Variants in ANO1 observed in about 807,000 individuals in gnomAD.
ANO1 encodes the protein anoctamin 1.
In ANO1, 59 loss-of-function variants were observed where a neutral mutation model predicts 124.0. The observed-to-expected ratio is 0.48, with a 90% CI of 0.39 to 0.59. The LOEUF (loss-of-function observed/expected upper bound fraction) is 0.59, where lower values mean the gene tolerates loss of function less well. Among genes scored for constraint, ANO1 ranks in the 20% least tolerant of loss-of-function variants. The probability of loss-of-function intolerance (pLI) is 0.00; values close to 1 mark genes in which losing one functional copy is unlikely to be tolerated. For missense variants in ANO1, 1,059 were observed against 1,328.0 expected, an observed-to-expected ratio of 0.80 and a Z score of 3.15; for synonymous variants, 529 against 532.0, an observed-to-expected ratio of 0.99 and a Z score of 0.08.
In ANO1 at chr11:70,161,180, T is replaced by C; in HGVS notation, c.1598T>C (p.Ile533Thr). ...CTGCAGATTGCAGTGACGTTTGCCATCGTCCTCGGCGTCATCATCTACAGA... is the reference window on the plus strand; with the variant it reads ...CTGCAGATTGCAGTGACGTTTGCCACCGTCCTCGGCGTCATCATCTACAGA... ...IIFMIAVTFA[I>T]VLGVIIYRIS... is the part of the protein sequence containing the mutation. Residue 533 changes from isoleucine to threonine, a missense_variant, in exon 17 of 26, where the codon ATC becomes ACC. Physicochemically the swap from Ile to Thr is moderately conservative, Grantham distance 89. Around this residue, in one of 2 missense-constraint regions of ANO1, gnomAD observed 809 missense variants for 1,094.9 expected, o/e 0.74. Coordinates refer to ENST00000355303, the MANE Select transcript of ANO1 (RefSeq NM_018043.7). 1 of 1,613,820 alleles carries C rather than the reference T, an allele frequency of 6.2e-7. No homozygotes were observed.
intron 1 of ANO1, among the ~76,000 whole-genome samples, chr11:70,044,966 A>G (rs1555005409): frequency 6.6e-6 from 1 of 152,252 alleles, no homozygotes; most frequent in African/African-American, 2.4e-5. Flanking sequence ...GTCTTCAAAC[A>G]TAAAGAAATA....
At chr11:70,123,389 C>T (rs1009132690) in intron 8 of ANO1, among the ~76,000 whole-genome samples, 3 of 152,198 alleles carry the variant, frequency 2.0e-5, no homozygotes, top group Non-Finnish European at 4.4e-5. Flanking sequence ...GTGCACAGCC[C>T]GTGTTACCCC....
intron 1 of ANO1, among the ~76,000 whole-genome samples, chr11:70,055,225 T>G (rs1857416530): frequency 6.6e-6 from 1 of 152,170 alleles, no homozygotes; most frequent in Non-Finnish European, 1.5e-5. Flanking sequence ...CAGTAATTTT[T>G]GTTGATTTTG....
chr11:70,041,017 AG>A, intron 1 of ANO1, among the ~76,000 whole-genome samples: 1 of 152,328 alleles, frequency 6.6e-6, no homozygotes, highest in East Asian at 1.9e-4. Context: ...GACAGGGTTC[AG>A]GCACTGATTA....
At chr11:70,007,821 C>T (rs781953502) in intron 1 of ANO1, among the ~76,000 whole-genome samples, 1 of 152,208 alleles carries the variant, frequency 6.6e-6, no homozygotes, top group Non-Finnish European at 1.5e-5. Flanking sequence ...AACTTCCATG[C>T]TGTTTCCACT....
intron 22 of ANO1, among the ~76,000 whole-genome samples, chr11:70,174,018 C>T (rs1231404506): frequency 6.6e-6 from 1 of 150,582 alleles, no homozygotes; most frequent in African/African-American, 2.4e-5. Context: ...TCACTGCAAA[C>T]TCCGCCTCCC....
At chr11:70,145,635 G>T (rs1204957295) in intron 11 of ANO1, among the ~76,000 whole-genome samples, 1 of 151,976 alleles carries the variant, frequency 6.6e-6, no homozygotes, top group African/African-American at 2.4e-5. Flanking sequence ...AAATTTTAGA[G>T]CAAGAATACC....
At chr11:70,060,163 G>T (rs538610674) in intron 1 of ANO1, among the ~76,000 whole-genome samples, 22 of 152,216 alleles carry the variant, frequency 1.4e-4, no homozygotes, top group African/African-American at 5.3e-4. Flanking sequence ...TGGCAAAATG[G>T]TTATGGAGGA....
intron 1 of ANO1, among the ~76,000 whole-genome samples, chr11:69,997,165 T>C (rs1856286179): frequency 6.6e-6 from 1 of 152,194 alleles, no homozygotes; most frequent in Non-Finnish European, 1.5e-5. Context: ...TCTGAATATA[T>C]TCACTGCATC....
chr11:70,023,548 G>A (rs1555002853), intron 1 of ANO1, among the ~76,000 whole-genome samples: 3 of 152,144 alleles, frequency 2.0e-5, no homozygotes, highest in South Asian at 2.1e-4. Flanking sequence ...GGTGAGATTC[G>A]GCCCAGTACT....
Position 70,131,986 on chromosome 11 carries a change from T to C in ANO1, c.1165T>C (p.Trp389Arg). Residue 389 changes from tryptophan (W) to arginine (R), a missense_variant, in exon 11 of 26, where the codon TGG (tryptophan) becomes CGG (arginine). This residue lies in a region of ANO1 where 809 missense variants were observed against 1,094.9 expected (regional missense o/e 0.74). Coordinates refer to ENST00000355303, the MANE Select transcript of ANO1 (RefSeq NM_018043.7). The part of the protein sequence containing the change: ...CPLCDKTCSY[W>R]KMSSACATAR... The stretch of plus-strand genomic sequence containing the variant: ...GCTTTGCGACAAGACCTGCAGCTAC[T>C]GGAAGATGAGCTCAGCCTGCGCCAC... 3 of 1,610,594 alleles carry C rather than the reference T, an allele frequency of 1.9e-6. No homozygotes were observed. Among genetic ancestry groups the C allele is most frequent in the Non-Finnish European group, 2.5e-6 (3 of 1,179,648 alleles).
At chr11:70,081,915 T>C (rs1242637012) in intron 1 of ANO1, among the ~76,000 whole-genome samples, 1 of 152,226 alleles carries the variant, frequency 6.6e-6, no homozygotes, top group African/African-American at 2.4e-5. Context: ...TCTTCCACCA[T>C]ATTCCTATCT....
At chr11:69,976,797 G>T in the ANO1 span, among the ~76,000 whole-genome samples, 1 of 152,212 alleles carries the variant, frequency 6.6e-6, no homozygotes, top group Middle Eastern at 3.2e-3. Flanking sequence ...CCTGCAGAGA[G>T]AGTCACCTTG....
At chr11:70,013,804 A>AAAAAGAAAAG (rs142729507) in intron 1 of ANO1, among the ~76,000 whole-genome samples, 10,680 of 130,446 alleles carry the variant, frequency 0.082, 770 homozygotes, top group Middle Eastern at 0.1. Flanking sequence ...TCCATCTAAA[A>AAAAAGAAAAG]AAAAGAAAAG....
At chr11:69,997,013 C>T (rs1262584796) in intron 1 of ANO1, among the ~76,000 whole-genome samples, 3 of 152,176 alleles carry the variant, frequency 2.0e-5, no homozygotes, top group Non-Finnish European at 4.4e-5. Context: ...TAATGTGGAA[C>T]AGTGGGGTCA....
intron 16 of ANO1, among the ~76,000 whole-genome samples, chr11:70,159,198 C>T (rs907786134): frequency 6.6e-6 from 1 of 152,178 alleles, no homozygotes; most frequent in African/African-American, 2.4e-5. Context: ...GCTGCACCTC[C>T]AGCATCACTT....
intron 1 of ANO1, among the ~76,000 whole-genome samples, chr11:70,001,376 C>T (rs1452842676): frequency 1.3e-5 from 2 of 152,062 alleles, no homozygotes; most frequent in African/African-American, 2.4e-5. Context: ...TGAAAGTGTC[C>T]CCAGCAGCAT....
At chr11:70,110,343 C>T (rs551139074) in intron 6 of ANO1, among the ~76,000 whole-genome samples, 5 of 152,116 alleles carry the variant, frequency 3.3e-5, no homozygotes, top group East Asian at 1.9e-4. Context: ...CCCGCCACCA[C>T]GCCTGGCTAA....
intron 12 of ANO1, 90 bp from the exon 13 acceptor site, chr11:70,152,360 T>G: frequency 9.6e-7 from 1 of 1,038,120 alleles, no homozygotes; most frequent in Non-Finnish European, 1.4e-6. Flanking sequence ...AAAAAAAAGT[T>G]GTCCTTAGTG....
Sources: allele counts gnomAD v4.1 joint callset (sites outside exome capture counted in the v4.1 genomes callset), GRCh38; gene constraint gnomAD v4.1.1; regional missense constraint gnomAD v4.1.1; transcripts MANE v1.5; gene names NCBI Gene and HGNC (gene_info 2026-07-23, HGNC 2026-07-21).